Variants in DACH2 observed in about 807,000 individuals in gnomAD.
DACH2 encodes dachshund family transcription factor 2.
DACH2 carries 17 observed loss-of-function variants against 35.8 expected under a neutral mutation model. The observed-to-expected ratio is 0.48, with a 90% CI of 0.33 to 0.71. The LOEUF (loss-of-function observed/expected upper bound fraction) is 0.71. Ranked by LOEUF, DACH2 falls within the 30% of genes least tolerant of loss-of-function variation. The pLI is 0.02. For synonymous variants in DACH2, 195 were observed against 177.3 expected (o/e 1.10, Z -0.79); for missense variants, 469 against 472.7 (o/e 0.99, Z 0.07).
At chrX:86,290,741 A>G (rs373284280) in intron 1 of DACH2, among the ~76,000 whole-genome samples, 11,666 of 92,402 alleles carry the variant, frequency 0.13, 1,253 homozygotes, top group African/African-American at 0.27. Context: ...GTAGATATGC[A>G]GCATTATTTC....
intron 2 of DACH2, among the ~76,000 whole-genome samples, chrX:86,470,752 T>A (rs1001294669): frequency 9.0e-6 from 1 of 111,173 alleles, no homozygotes; most frequent in Non-Finnish European, 1.9e-5. Flanking sequence ...TGTATTCATG[T>A]ATCAAAACTG....
intron 1 of DACH2, among the ~76,000 whole-genome samples, chrX:86,315,123 A>G (rs1196174504): frequency 8.9e-6 from 1 of 112,111 alleles, no homozygotes; most frequent in East Asian, 2.8e-4. Context: ...AGTCTAATGC[A>G]GTTGATGACT....
chrX:86,808,725 T>C (rs781242328), intron 7 of DACH2, among the ~76,000 whole-genome samples: 1 of 111,260 alleles, frequency 9.0e-6, no homozygotes, highest in African/African-American at 3.3e-5. Flanking sequence ...TATAATTTAC[T>C]TGATAACGAA....
Position 86,202,324 on chromosome X carries a change from A to G in DACH2, c.488+53216A>G, listed in dbSNP as rs926806584. On this transcript the variant is annotated intron_variant, in intron 1 of 11. Coordinates refer to ENST00000373125, the MANE Select transcript of DACH2 (RefSeq NM_053281.3). Reference sequence around the variant, plus strand: ...AACAGAGGCATATACAAATACAAGAAAGTGCGATTGAAACAGAGATGGGAA... The same window carrying G: ...AACAGAGGCATATACAAATACAAGAGAGTGCGATTGAAACAGAGATGGGAA... Among the ~76,000 whole-genome samples the G allele has an allele frequency of 1.4e-4, 16 of 111,464 alleles. No individual in the cohort carries two copies. In the East Asian group the frequency reaches 4.0e-3, roughly 28 times the overall value.
intron 7 of DACH2, among the ~76,000 whole-genome samples, chrX:86,786,124 A>G (rs2042135164): frequency 9.0e-6 from 1 of 111,678 alleles, no homozygotes; most frequent in Admixed American, 9.5e-5. Context: ...CCCACTATAT[A>G]TACTCTGAAG....
At chrX:86,214,394 G>T (rs192216432) in intron 1 of DACH2, among the ~76,000 whole-genome samples, 1 of 111,863 alleles carries the variant, frequency 8.9e-6, no homozygotes, top group Non-Finnish European at 1.9e-5. Context: ...CACATCTTCA[G>T]TTGTCACCTA....
rs1488930004 is a variant in DACH2, at chrX:86,148,896, G to A, written c.276G>A (p.Pro92=). The change falls in exon 1 of 12, where the codon CCG becomes CCA. Residue 92 remains proline, a synonymous_variant. Coordinates refer to ENST00000373125, the MANE Select transcript of DACH2 (RefSeq NM_053281.3). The stretch of plus-strand genomic sequence containing the variant: ...ACGGCCAGGAACTGATCTGCCTGCC[G>A]CAAGTCTTTGATCTTTTTCTCAAGC... ...LMDGQELICL[P]QVFDLFLKHL... 4.1e-6 allele frequency: 5 copies of A among 1,208,896 alleles called. No individual in the cohort carries two copies. The highest frequency in any genetic ancestry group is 4.5e-6 in the Non-Finnish European group (4 of 895,069).
At chrX:86,622,875 CATG>C (rs778397133) in intron 3 of DACH2, among the ~76,000 whole-genome samples, 4 of 111,281 alleles carry the variant, frequency 3.6e-5, no homozygotes, top group African/African-American at 6.5e-5. Context: ...CATGACAACA[CATG>C]ATGATTACAG....
chrX:86,596,692 T>C lies in DACH2; in HGVS notation c.641-54344T>C, dbSNP rs186473692. 6.3e-5 allele frequency among the ~76,000 whole-genome samples: 7 copies of C among 111,871 alleles called. No homozygotes were observed. In the Admixed American group the frequency reaches 6.7e-4, roughly 11 times the overall value. ...CGTTGTCTTTTTAACTCTCTTGATA[T>C]GTCATCTGATGCACAAAATGTTTTA... On this transcript the variant is annotated intron_variant, in intron 3 of 11. Transcript: ENST00000373125.
At chrX:86,713,887 A>T (rs73228616) in intron 5 of DACH2, among the ~76,000 whole-genome samples, 1,913 of 112,249 alleles carry the variant, frequency 0.017, 67 homozygotes, top group Admixed American at 0.11. Flanking sequence ...GCATAAGAAA[A>T]AAATGAAATT....
chrX:86,355,134 C>T (rs1165879303), intron 1 of DACH2, among the ~76,000 whole-genome samples: 1 of 111,766 alleles, frequency 8.9e-6, no homozygotes, highest in South Asian at 3.8e-4. Context: ...TTAGCTCCCA[C>T]TTATACGTGA....
At chrX:86,680,600 C>A (rs939401533) in intron 4 of DACH2, among the ~76,000 whole-genome samples, 1 of 109,662 alleles carries the variant, frequency 9.1e-6, no homozygotes, top group African/African-American at 3.3e-5. Flanking sequence ...AAACTAATGG[C>A]CTTTTCAAAC....
intron 4 of DACH2, among the ~76,000 whole-genome samples, chrX:86,666,014 ACT>A (rs1378263999): frequency 7.2e-5 from 8 of 110,989 alleles, no homozygotes; most frequent in African/African-American, 2.6e-4. Flanking sequence ...TTTTCAGAAA[ACT>A]CATCATCATC....
chrX:86,372,390 T>A lies in DACH2; in HGVS notation c.489-4434T>A, dbSNP rs952534164. ...CTTTCTTTAGGGAAATTGATTGATA[T>A]TTGGGTAAATTACACCTATAACCCT... On this transcript the variant is annotated intron_variant, in intron 1 of 11. Transcript: ENST00000373125. Among the ~76,000 whole-genome samples, 14 of 111,234 alleles carry A rather than the reference T, an allele frequency of 1.3e-4. No individual in the cohort carries two copies. In the Middle Eastern group the frequency reaches 0.014, roughly 110 times the overall value.
At chrX:86,437,266 G>T (rs990924684) in intron 2 of DACH2, among the ~76,000 whole-genome samples, 6 of 111,053 alleles carry the variant, frequency 5.4e-5, no homozygotes, top group Non-Finnish European at 9.4e-5. Flanking sequence ...TCCCCACATC[G>T]GTATTTATTA....
Position 86,192,151 on chromosome X carries a change from C to T in DACH2, c.488+43043C>T, listed in dbSNP as rs181328992. On this transcript the variant is annotated intron_variant, in intron 1 of 11. Transcript: ENST00000373125. ...GTCCCAGATGTGTATACTATCTGTTCGGTGTTCTTCAATGCAGATTCAGCT... is the reference window on the plus strand; with the variant it reads ...GTCCCAGATGTGTATACTATCTGTTTGGTGTTCTTCAATGCAGATTCAGCT... Among the ~76,000 whole-genome samples the T allele has an allele frequency of 9.6e-4, 107 of 111,278 alleles. 1 individual carries two copies. The Middle Eastern group carries it at 0.014, about 14-fold the overall frequency.
chrX:86,564,232 C>T (rs2039265245), intron 3 of DACH2, among the ~76,000 whole-genome samples: 1 of 111,201 alleles, frequency 9.0e-6, no homozygotes, highest in Non-Finnish European at 1.9e-5. Flanking sequence ...AATGTGATCT[C>T]CAACCTAATA....
At chrX:86,733,319 C>A (rs1245830767) in intron 6 of DACH2, among the ~76,000 whole-genome samples, 2 of 111,594 alleles carry the variant, frequency 1.8e-5, no homozygotes, top group African/African-American at 6.5e-5. Context: ...AAGTTGCAAA[C>A]AAATGTTTCT....
intron 2 of DACH2, among the ~76,000 whole-genome samples, chrX:86,417,217 C>T (rs2036721626): frequency 9.1e-6 from 1 of 110,416 alleles, no homozygotes; most frequent in Admixed American, 9.6e-5. Flanking sequence ...CCCCATGACC[C>T]AAACATCTCC....
Sources: gnomAD v4.1 joint callset for allele counts (sites outside exome capture counted in the v4.1 genomes callset) on GRCh38, gnomAD v4.1.1 for gene constraint, MANE v1.5 for transcripts, NCBI Gene and HGNC (gene_info 2026-07-23, HGNC 2026-07-21) for gene names.